NXPH1: variants seen among roughly 807,000 people sequenced by gnomAD.
The protein encoded by NXPH1 is neurexophilin-1.
Under a neutral mutation model 23.7 loss-of-function variants are expected in NXPH1, and 5 were observed. That is an observed-to-expected ratio of 0.21 (90% CI 0.11 to 0.44). The LOEUF is 0.44. Among genes scored for constraint, NXPH1 ranks in the 20% least tolerant of loss-of-function variants. NXPH1 has a pLI of 0.99. For synonymous variants in NXPH1, 144 were observed against 122.2 expected (o/e 1.18, Z -1.18); for missense variants, 324 against 321.6 (o/e 1.01, Z -0.06).
At chr7:8,496,687 G>A (rs1161351825) in intron 2 of NXPH1, among the ~76,000 whole-genome samples, 1 of 152,076 alleles carries the variant, frequency 6.6e-6, no homozygotes, top group East Asian at 1.9e-4. Context: ...AGGGAGCTCA[G>A]CAATTGCAAG....
intron 2 of NXPH1, among the ~76,000 whole-genome samples, chr7:8,623,919 TAGA>T (rs1819934569): frequency 6.6e-6 from 1 of 152,134 alleles, no homozygotes; most frequent in Admixed American, 6.6e-5. Flanking sequence ...GATATGGATC[TAGA>T]AGAAGTATAT....
At chr7:8,732,167 C>A (rs1002114187) in intron 2 of NXPH1, among the ~76,000 whole-genome samples, 2 of 152,254 alleles carry the variant, frequency 1.3e-5, no homozygotes, top group Non-Finnish European at 2.9e-5. Flanking sequence ...CCTTGCGCTT[C>A]CTGAGTGAGG....
Position 8,435,475 on chromosome 7 carries a change from A to T in NXPH1, c.-110-129A>T. 3 of 563,070 alleles carry T rather than the reference A, an allele frequency of 5.3e-6. No homozygotes were observed. Among genetic ancestry groups the T allele is most frequent in the Non-Finnish European group, 9.4e-6 (3 of 317,824 alleles). 34.9% of individuals were successfully genotyped at this position (563,070 alleles called of 1,614,324 possible). A position where few individuals can be genotyped will look rare whatever the true frequency, so the allele number is the denominator to read the frequency against. ...AGGCGCTGGATTTACTCGCTTTTCAATTTTTCGTACCCTCCCTCCCTTTTT... is the reference window on the plus strand; with the variant it reads ...AGGCGCTGGATTTACTCGCTTTTCATTTTTTCGTACCCTCCCTCCCTTTTT... On this transcript the variant is annotated intron_variant, in intron 1 of 2. Transcript: ENST00000405863. The surrounding 1 kb of genome is among the most constrained non-coding windows in gnomAD (Gnocchi z 5.9).
At chr7:8,620,898 C>A (rs1341962038) in intron 2 of NXPH1, among the ~76,000 whole-genome samples, 1 of 152,118 alleles carries the variant, frequency 6.6e-6, no homozygotes. Context: ...TGTTTTTCTT[C>A]TCCCTTTGAA....
intron 2 of NXPH1, among the ~76,000 whole-genome samples, chr7:8,610,850 A>C (rs981513580): frequency 2.0e-5 from 3 of 152,026 alleles, no homozygotes; most frequent in Non-Finnish European, 4.4e-5. Context: ...AGGAGGGCAG[A>C]CTGCTATTAA....
intron 2 of NXPH1, among the ~76,000 whole-genome samples, chr7:8,659,297 A>C (rs547295728): frequency 6.6e-6 from 1 of 152,336 alleles, no homozygotes; most frequent in African/African-American, 2.4e-5. Context: ...TGCCTTCAGT[A>C]TTTAGGGATA....
chr7:8,710,640 GTTTTTTGTTTTTTTTTT>G (rs1252802324), intron 2 of NXPH1, among the ~76,000 whole-genome samples: 1 of 27,672 alleles, frequency 3.6e-5, no homozygotes, highest in Admixed American at 4.7e-4. Context: ...CAACTGTTAC[GTTTTTTGTTTTTTTTTT>G]TTTTTTTTTT....
intron 2 of NXPH1, among the ~76,000 whole-genome samples, chr7:8,561,379 C>CACACACACACAT (rs1407439729): frequency 6.6e-6 from 1 of 150,938 alleles, no homozygotes; most frequent in African/African-American, 2.4e-5. Context: ...CACACACACA[C>CACACACACACAT]ACACCTCTCT....
At chr7:8,597,098 C>A (rs1240309638) in intron 2 of NXPH1, among the ~76,000 whole-genome samples, 1 of 151,880 alleles carries the variant, frequency 6.6e-6, no homozygotes, top group South Asian at 2.1e-4. Flanking sequence ...AAGAGTCTAG[C>A]AAATATAAGA....
At chr7:8,604,085 TG>T (rs1203460676) in intron 2 of NXPH1, among the ~76,000 whole-genome samples, 2 of 151,932 alleles carry the variant, frequency 1.3e-5, no homozygotes, top group East Asian at 3.9e-4. Context: ...AAAAAAAAAG[TG>T]GATGGTTCTA....
At chr7:8,628,822 G>A (rs955163873) in intron 2 of NXPH1, among the ~76,000 whole-genome samples, 2 of 151,794 alleles carry the variant, frequency 1.3e-5, no homozygotes, top group African/African-American at 2.4e-5. Context: ...TTGAACAGAC[G>A]GTGGTGCAGT....
Position 8,741,791 on chromosome 7 carries a change from A to G in NXPH1, c.55-9217A>G, listed in dbSNP as rs180684884. On this transcript the variant is annotated intron_variant, in intron 2 of 2. Transcript: ENST00000405863. ...GTGTCCCCCTAAAATATTGATTGTG[A>G]ATCAAATAACATTCACTATTAAAAT... Among the ~76,000 whole-genome samples, 476 of 152,252 alleles carry G rather than the reference A, an allele frequency of 3.1e-3. 4 individuals carry two copies. Among genetic ancestry groups the G allele is most frequent in the African/African-American group, 0.011 (453 of 41,568 alleles).
At chr7:8,492,162 G>A (rs1297309772) in intron 2 of NXPH1, among the ~76,000 whole-genome samples, 1 of 152,006 alleles carries the variant, frequency 6.6e-6, no homozygotes, top group Admixed American at 6.6e-5. Context: ...ACTCCTTACT[G>A]CACTTTTATT....
chr7:8,649,986 T>G (rs568876741), intron 2 of NXPH1, among the ~76,000 whole-genome samples: 1 of 151,886 alleles, frequency 6.6e-6, no homozygotes. Context: ...AGTCAGTGAA[T>G]TGGACATTGG....
chr7:8,703,721 T>A (rs1779661983), intron 2 of NXPH1, among the ~76,000 whole-genome samples: 1 of 152,182 alleles, frequency 6.6e-6, no homozygotes, highest in South Asian at 2.1e-4. Flanking sequence ...CTCCTTTCTT[T>A]AAACCCTTGT....
chr7:8,452,603 G>T (rs1449866569), intron 2 of NXPH1, among the ~76,000 whole-genome samples: 2 of 152,110 alleles, frequency 1.3e-5, no homozygotes, highest in Non-Finnish European at 2.9e-5. Flanking sequence ...GGGAATTCAA[G>T]CAATTAATTA....
At chr7:8,514,202 T>C (rs1388375023) in intron 2 of NXPH1, among the ~76,000 whole-genome samples, 2 of 152,168 alleles carry the variant, frequency 1.3e-5, no homozygotes, top group South Asian at 2.1e-4. Flanking sequence ...ACAAATTTAA[T>C]CCATAACTTA....
intron 2 of NXPH1, among the ~76,000 whole-genome samples, chr7:8,714,592 AGTAT>A (rs1779848453): frequency 6.6e-6 from 1 of 151,900 alleles, no homozygotes; most frequent in Non-Finnish European, 1.5e-5. Flanking sequence ...CAATGCCCAC[AGTAT>A]GTACTACCTG....
chr7:8,442,057 G>A lies in NXPH1; in HGVS notation c.54+6290G>A, dbSNP rs1374622296. ...ATGGCGTTGGGAGCCAGGGCGTTGG[G>A]ACGGCACAAGCAGTGGGGTCCCAGG... is the stretch of plus-strand genomic sequence containing the variant. On this transcript the variant is annotated intron_variant, in intron 2 of 2. Coordinates refer to ENST00000405863, the MANE Select transcript of NXPH1 (RefSeq NM_152745.3). The surrounding 1 kb of genome is among the most constrained non-coding windows in gnomAD (Gnocchi z 4.6). 3.3e-5 allele frequency among the ~76,000 whole-genome samples: 5 copies of A among 152,114 alleles called. No homozygotes were observed. In the East Asian group the frequency reaches 9.7e-4, roughly 29 times the overall value.
Sources: gnomAD v4.1 joint callset for allele counts (sites outside exome capture counted in the v4.1 genomes callset) on GRCh38, gnomAD v4.1.1 for gene constraint, Gnocchi (gnomAD v3.1) non-coding constraint, MANE v1.5 for transcripts, NCBI Gene and HGNC (gene_info 2026-07-23, HGNC 2026-07-21) for gene names.